The following USP46 variants were observed in gnomAD, a reference collection of about 807,000 sequenced individuals.
USP46 encodes the protein ubiquitin carboxyl-terminal hydrolase 46.
USP46 carries 12 observed loss-of-function variants against 44.4 expected under a neutral mutation model. The observed-to-expected ratio is 0.27, with a 90% confidence interval of 0.17 to 0.44. USP46 has a LOEUF of 0.44. Among genes scored for constraint, USP46 ranks in the 20% least tolerant of loss-of-function variants. The pLI, the probability that USP46 is intolerant of heterozygous loss-of-function variation, is 1.00. For missense variants in USP46, 248 were observed against 444.8 expected, an observed-to-expected ratio of 0.56 and a Z score of 3.98; for synonymous variants, 155 against 161.5, an observed-to-expected ratio of 0.96 and a Z score of 0.31.
chr4:52,657,075 T>C (rs1577704831), intron 1 of USP46, among the ~76,000 whole-genome samples: 3 of 148,316 alleles, frequency 2.0e-5, no homozygotes, highest in African/African-American at 7.4e-5. Context: ...AACCAGGACC[T>C]GAACCCAGGA....
Position 52,604,509 on chromosome 4 carries a change from G to A in USP46, c.714C>T (p.Ala238=). The A allele has an allele frequency of 6.2e-7, 1 of 1,610,502 alleles. No individual in the cohort carries two copies. The part of the protein sequence containing the change: ...YCETCCSKQE[A]QKRMRVKKLP... ...GCTAAATCTTTACCTACCTTTTCTG[G>A]GCTTCTTGTTTGCTGCAGCATGTTT... is the stretch of plus-strand genomic sequence containing the variant. The change falls in exon 6 of 9, where the codon GCC becomes GCT. Residue 238 remains alanine (A), a synonymous_variant. Coordinates refer to ENST00000441222, the MANE Select transcript of USP46 (RefSeq NM_022832.4).
chr4:52,642,953 T>G (rs1167490493), intron 1 of USP46, among the ~76,000 whole-genome samples: 1 of 152,140 alleles, frequency 6.6e-6, no homozygotes, highest in African/African-American at 2.4e-5. Context: ...AAAGTGCATA[T>G]GCAGAACAAA....
chr4:52,592,702 A>G lies in USP46; in HGVS notation c.*4938T>C. On this transcript the variant is annotated 3_prime_UTR_variant, in exon 9 of 9. Transcript: ENST00000441222. Reference sequence around the variant, plus strand: ...GAAAATACAAAAATTACCCGGGTATAGTGGCACATGCCTGTAGTCCCAGCT... The same window carrying G: ...GAAAATACAAAAATTACCCGGGTATGGTGGCACATGCCTGTAGTCCCAGCT... 1 of 391,682 alleles carries G rather than the reference A, an allele frequency of 2.6e-6. No homozygotes were observed. Among genetic ancestry groups the G allele is most frequent in the Non-Finnish European group, 4.5e-6 (1 of 222,318 alleles). The allele number at this position is 391,682 out of a possible 1,614,324, so 24.3% of individuals were successfully genotyped here.
At chr4:52,630,261 G>C (rs1478587408) in intron 2 of USP46, among the ~76,000 whole-genome samples, 2 of 152,116 alleles carry the variant, frequency 1.3e-5, no homozygotes, top group African/African-American at 4.8e-5. Context: ...CAAAAAAAAT[G>C]AGGCCAGGAA....
chr4:52,644,086 T>A (rs535857112), intron 1 of USP46, among the ~76,000 whole-genome samples: 52 of 152,242 alleles, frequency 3.4e-4, no homozygotes, highest in African/African-American at 1.2e-3. Context: ...TAGCAACATA[T>A]CACCACGGAG....
intron 4 of USP46, among the ~76,000 whole-genome samples, chr4:52,620,936 A>G (rs1478385859): frequency 1.3e-5 from 2 of 152,254 alleles, no homozygotes; most frequent in Non-Finnish European, 2.9e-5. Context: ...CCATACAGCA[A>G]TAAAAACGAA....
chr4:52,644,411 T>G (rs578126813), intron 1 of USP46, among the ~76,000 whole-genome samples: 10 of 152,112 alleles, frequency 6.6e-5, no homozygotes, highest in African/African-American at 1.9e-4. Flanking sequence ...ATGTCAGAAG[T>G]CCCCAACCCC....
At chr4:52,618,218 T>C (rs1717240372) in intron 4 of USP46, among the ~76,000 whole-genome samples, 1 of 151,894 alleles carries the variant, frequency 6.6e-6, no homozygotes, top group Non-Finnish European at 1.5e-5. Flanking sequence ...GCCCAGACTC[T>C]ACAAAAACAC....
chr4:52,658,128 G>C (rs1401911294), intron 1 of USP46: 1 of 444,724 alleles, frequency 2.2e-6, no homozygotes, highest in Non-Finnish European at 4.5e-6. Flanking sequence ...TAGAGGGGAG[G>C]CGGGGTGCAG....
chr4:52,656,427 G>T, intron 1 of USP46: 1 of 1,451,676 alleles, frequency 6.9e-7, no homozygotes, highest in Non-Finnish European at 9.2e-7. Context: ...GGGAGGGACA[G>T]TGGGGGCGGT....
chr4:52,631,202 C>A, intron 1 of USP46, 58 bp from the exon 2 acceptor site: 1 of 1,377,956 alleles, frequency 7.3e-7, no homozygotes, highest in Non-Finnish European at 1.0e-6. Context: ...AAAGTAAAAT[C>A]ATACCTAAAA....
In USP46 at chr4:52,659,140, C is replaced by T. The variant is rs1353129472; in HGVS notation, c.11G>A (p.Arg4Gln). The T allele has an allele frequency of 1.7e-5, 26 of 1,569,190 alleles. No homozygotes were observed. The highest frequency in any genetic ancestry group is 1.7e-4 in the Middle Eastern group (1 of 5,952). ...CATATTACAGATGGAGGCGATGTTT[C>T]GGACAGTCATTAGTCTAAAGGTTGC... MTV[R>Q]NIASICNMGT... Residue 4 changes from arginine to glutamine, a missense_variant, in exon 1 of 9, where the codon CGA becomes CAA. Transcript: ENST00000441222. This position sits in a 1 kb window ranked among gnomAD's most constrained non-coding sequence, Gnocchi z 4.2.
chr4:52,616,821 T>A (rs1010109975), intron 4 of USP46, among the ~76,000 whole-genome samples: 2 of 152,164 alleles, frequency 1.3e-5, no homozygotes, highest in Non-Finnish European at 2.9e-5. Context: ...ACTATTAGGA[T>A]ATATAAGAAA....
chr4:52,623,037 G>C (rs1258654067), intron 4 of USP46, among the ~76,000 whole-genome samples: 3 of 152,156 alleles, frequency 2.0e-5, no homozygotes, highest in African/African-American at 7.2e-5. Context: ...GAAGGCCAGA[G>C]GAAAAAACAG....
chr4:52,625,673 G>C (rs1717552244), intron 4 of USP46, among the ~76,000 whole-genome samples: 1 of 152,136 alleles, frequency 6.6e-6, no homozygotes, highest in African/African-American at 2.4e-5. Context: ...TGATGGTCCT[G>C]TTCTACATCA....
rs761135486 is a variant in USP46, at chr4:52,597,606, C to T, written c.*34G>A. ...GCCGGGTGACAGTGCTGTGAACATT[C>T]TCCCCACGTGAATCAGTCCCGCAGG... On this transcript the variant is annotated 3_prime_UTR_variant, in exon 9 of 9. Transcript: ENST00000441222. The T allele has an allele frequency of 2.1e-6, 3 of 1,456,664 alleles. No individual in the cohort carries two copies. Among genetic ancestry groups the T allele is most frequent in the East Asian group, 2.4e-5 (1 of 41,198 alleles). The allele number at this position is 1,456,664 out of a possible 1,614,324, so 90.2% of individuals were successfully genotyped here.
In USP46 at chr4:52,626,086, G is replaced by T; in HGVS notation, c.493C>A (p.Leu165Ile). ...TGAAAAATCTCATGGACCCAGGTGA[G>T]TTCTGGTTTATTATTTTCCGCAGGT... is the stretch of plus-strand genomic sequence containing the variant. ...NEPAENNKPE[L>I]TWVHEIFQGT... Residue 165 changes from leucine (L) to isoleucine (I), a missense_variant, in exon 4 of 9, where the codon CTC (leucine) becomes ATC (isoleucine). Leu to Ile is a conservative substitution (Grantham distance 5). This residue lies in a region of USP46 where 37 missense variants were observed against 30.6 expected (regional missense o/e 1.21). Transcript: ENST00000441222. The T allele has an allele frequency of 6.2e-7, 1 of 1,613,914 alleles. No homozygotes were observed. Among genetic ancestry groups the T allele is most frequent in the Non-Finnish European group, 8.5e-7 (1 of 1,179,868 alleles).
chr4:52,630,720 G>A (rs1181193534), intron 2 of USP46, among the ~76,000 whole-genome samples: 6 of 123,404 alleles, frequency 4.9e-5, no homozygotes, highest in Non-Finnish European at 7.9e-5. Context: ...CTGAGCGACA[G>A]AGCAAGACTC....
At chr4:52,638,233 C>T (rs1195010377) in intron 1 of USP46, among the ~76,000 whole-genome samples, 2 of 152,076 alleles carry the variant, frequency 1.3e-5, no homozygotes, top group African/African-American at 2.4e-5. Context: ...AGTGACGGGA[C>T]GTGACAACAG....
Sources: gnomAD v4.1 joint callset for allele counts (sites outside exome capture counted in the v4.1 genomes callset) on GRCh38, gnomAD v4.1.1 for gene constraint, gnomAD v4.1.1 regional missense constraint, Gnocchi (gnomAD v3.1) non-coding constraint, MANE v1.5 for transcripts, NCBI Gene and HGNC (gene_info 2026-07-23, HGNC 2026-07-21) for gene names.